The following ABCA4 variants were observed in gnomAD, a reference collection of about 807,000 sequenced individuals.
ABCA4 encodes ATP binding cassette subfamily A member 4, also known as retinal-specific phospholipid-transporting ATPase ABCA4.
Under a neutral mutation model 263.7 loss-of-function variants are expected in ABCA4, and 196 were observed. That is an observed-to-expected ratio of 0.74 (90% CI 0.66 to 0.84). The LOEUF (loss-of-function observed/expected upper bound fraction) is 0.84, where lower values mean the gene tolerates loss of function less well. Ranked by LOEUF, ABCA4 falls within the 40% of genes least tolerant of loss-of-function variation. The pLI is 0.00. For synonymous variants in ABCA4, 1,133 were observed against 1,094.2 expected (o/e 1.04, Z -0.70); for missense variants, 2,792 against 2,855.1 (o/e 0.98, Z 0.50).
At chr1:94,044,388 G>A (rs968039914) in intron 20 of ABCA4, among the ~76,000 whole-genome samples, 17 of 152,194 alleles carry the variant, frequency 1.1e-4, no homozygotes, top group African/African-American at 4.1e-4. Context: ...ACCCTTCTGA[G>A]GGAGGAGCCC....
At position 94,108,723 on chromosome 1, in the gene ABCA4, G is replaced by A; in HGVS notation, c.303-7C>T. On this transcript the variant is annotated splice_polypyrimidine_tract_variant and splice_region_variant and intron_variant, in intron 3 of 49. Transcript: ENST00000370225. ...TCGATATACCCTTGCCAAGCTGTAA[G>A]GACAAAGCCTCATTAATAAGGAAAT... 6.2e-7 allele frequency: 1 copy of A among 1,613,610 alleles called. No individual in the cohort carries two copies. Among genetic ancestry groups the A allele is most frequent in the East Asian group, 2.2e-5 (1 of 44,868 alleles).
chr1:94,033,673 T>C (rs911375964), intron 26 of ABCA4, among the ~76,000 whole-genome samples: 5 of 152,082 alleles, frequency 3.3e-5, no homozygotes, highest in African/African-American at 1.2e-4. Flanking sequence ...ACAAGGACAG[T>C]TGTAAAGGGA....
chr1:94,102,885 G>T (rs1662320469), intron 5 of ABCA4, 130 bp downstream of exon 5: 1 of 1,290,832 alleles, frequency 7.7e-7, no homozygotes, highest in Non-Finnish European at 1.1e-6. Context: ...CTAAATACAA[G>T]GCATTAAGTG....
chr1:94,022,339 A>G (rs1659926536), intron 32 of ABCA4, among the ~76,000 whole-genome samples: 1 of 152,158 alleles, frequency 6.6e-6, no homozygotes, highest in Non-Finnish European at 1.5e-5. Flanking sequence ...TTTTGGGAGC[A>G]TCGAGCCAAC....
At chr1:94,075,592 G>A (rs1194159663) in intron 11 of ABCA4, among the ~76,000 whole-genome samples, 1 of 152,184 alleles carries the variant, frequency 6.6e-6, no homozygotes, top group Non-Finnish European at 1.5e-5. Context: ...GTGACAGATA[G>A]AACGAGGCTT....
rs755666756 is a variant in ABCA4, at chr1:94,014,596, C to T, written c.5407G>A (p.Gly1803Ser). 24 of 1,613,958 alleles carry T rather than the reference C, an allele frequency of 1.5e-5. No individual in the cohort carries two copies. Among genetic ancestry groups the T allele is most frequent in the Non-Finnish European group, 1.8e-5 (21 of 1,180,000 alleles). The change falls in exon 38 of 50, where the codon GGC becomes AGC. Residue 1803 changes from glycine (G) to serine (S), a missense_variant. Physicochemically the swap from Gly to Ser is moderately conservative, Grantham distance 56. Transcript: ENST00000370225. ...AAGGTAATAGCACTGCTGTTGATGC[C>T]GATGAACAGATTAGCACAAGATAAA... is the stretch of plus-strand genomic sequence containing the variant. The part of the protein sequence containing the change: ...VALSCANLFI[G>S]INSSAITFIL...
At position 93,993,004 on chromosome 1, in the gene ABCA4, T is replaced by G; in HGVS notation, c.*233A>C. The G allele has an allele frequency of 2.6e-5, 15 of 571,594 alleles. No homozygotes were observed. Among genetic ancestry groups the G allele is most frequent in the Middle Eastern group, 4.8e-4 (1 of 2,104 alleles). The allele number at this position is 571,594 out of a possible 1,614,324, so 35.4% of individuals were successfully genotyped here. On this transcript the variant is annotated 3_prime_UTR_variant, in exon 50 of 50. Coordinates refer to ENST00000370225, the MANE Select transcript of ABCA4 (RefSeq NM_000350.3). ...TCTAGTTCTGGGGTCTGGAGAAGGA[T>G]TTTGTATTTGTTTGGTTTCACCATC... is the stretch of plus-strand genomic sequence containing the variant.
At position 94,029,635 on chromosome 1, in the gene ABCA4, A is replaced by G. The variant is rs375886479; in HGVS notation, c.4353-4T>C. On this transcript the variant is annotated splice_region_variant and splice_polypyrimidine_tract_variant and intron_variant, in intron 29 of 49. Coordinates refer to ENST00000370225, the MANE Select transcript of ABCA4 (RefSeq NM_000350.3). ...TGAGTTGCCACAGGGGTACTCCCTC[A>G]TGGAAGACAAGAAAATATTCCATAA... The G allele has an allele frequency of 4.5e-4, 723 of 1,612,112 alleles. 1 individual carries two copies. Among genetic ancestry groups the G allele is most frequent in the Non-Finnish European group, 5.7e-4 (671 of 1,179,034 alleles).
chr1:94,055,444 C>T, intron 15 of ABCA4, 129 bp from the exon 16 acceptor site: 1 of 861,856 alleles, frequency 1.2e-6, no homozygotes. Flanking sequence ...GTAAGGTCAG[C>T]TCAGGAGGGT....
At chr1:94,096,900 A>G (rs1373906832) in intron 6 of ABCA4, among the ~76,000 whole-genome samples, 1 of 152,182 alleles carries the variant, frequency 6.6e-6, no homozygotes, top group Non-Finnish European at 1.5e-5. Context: ...GTGCACAGAC[A>G]TTGCTCATTC....
chr1:94,101,211 T>A (rs1288911129), intron 5 of ABCA4, among the ~76,000 whole-genome samples: 3 of 152,264 alleles, frequency 2.0e-5, no homozygotes, highest in Admixed American at 6.5e-5. Flanking sequence ...GAAATTCCTG[T>A]CCTTATCTTC....
rs59521201 is a variant in ABCA4, at chr1:94,008,601, C to T, written c.5835+150G>A. The T allele has an allele frequency of 1.3e-3, 1,442 of 1,126,242 alleles. 3 individuals carry two copies. Among genetic ancestry groups the T allele is most frequent in the African/African-American group, 0.012 (766 of 65,268 alleles). The allele number at this position is 1,126,242 out of a possible 1,614,324, so 69.8% of individuals were successfully genotyped here. A position where few individuals can be genotyped will look rare whatever the true frequency, so the allele number is the denominator to read the frequency against. Reference sequence around the variant, plus strand: ...ATTGGAATTAGATGCTCTTGGAAGACGAGTTATAACACAGGGATGATGACC... The same window carrying T: ...ATTGGAATTAGATGCTCTTGGAAGATGAGTTATAACACAGGGATGATGACC... On this transcript the variant is annotated intron_variant, in intron 41 of 49. Transcript: ENST00000370225.
chr1:94,017,763 G>T (rs1328008450), intron 36 of ABCA4, among the ~76,000 whole-genome samples: 1 of 151,780 alleles, frequency 6.6e-6, no homozygotes, highest in Non-Finnish European at 1.5e-5. Flanking sequence ...AATGAGAAGG[G>T]GCATCTTGCT....
At chr1:94,029,319 G>C in intron 30 of ABCA4, 126 bp downstream of exon 30, 1 of 1,003,344 alleles carries the variant, frequency 1.0e-6, no homozygotes, top group Non-Finnish European at 1.4e-6. Context: ...AGGGAGTTTG[G>C]TTTAGTCCCC....
At position 94,078,702 on chromosome 1, in the gene ABCA4, T is replaced by G; in HGVS notation, c.1244A>C (p.Asn415Thr). ...GTGTTCCAGTTCTTCAAAAGTTGAG[T>G]TGGCCTAAAACCAGACAGAGATCAA... ...PAARRILKNANSTFEELEHVR... is the reference protein window; with the variant it reads ...PAARRILKNATSTFEELEHVR... Residue 415 changes from asparagine (N) to threonine (T), a missense_variant, in exon 10 of 50, where the codon AAC becomes ACC. By Grantham distance (65) the Asn-to-Thr change is moderately conservative. Coordinates refer to ENST00000370225, the MANE Select transcript of ABCA4 (RefSeq NM_000350.3). 1.9e-6 allele frequency: 3 copies of G among 1,611,944 alleles called. No homozygotes were observed. The highest frequency in any genetic ancestry group is 2.5e-6 in the Non-Finnish European group (3 of 1,177,998).
At chr1:94,106,490 G>A (rs1268972052) in intron 4 of ABCA4, among the ~76,000 whole-genome samples, 1 of 151,866 alleles carries the variant, frequency 6.6e-6, no homozygotes, top group Non-Finnish European at 1.5e-5. Flanking sequence ...TTTAAATTAG[G>A]AAAAAAACAC....
At chr1:93,993,367 G>T (rs1658920801) in intron 49 of ABCA4, 125 bp from the exon 50 acceptor site, 4 of 1,187,678 alleles carry the variant, frequency 3.4e-6, no homozygotes, top group Non-Finnish European at 4.9e-6. Flanking sequence ...AGGGCACTGT[G>T]ATTCTGTCAG....
intron 4 of ABCA4, among the ~76,000 whole-genome samples, chr1:94,103,802 G>A (rs903238289): frequency 1.3e-5 from 2 of 152,180 alleles, no homozygotes; most frequent in African/African-American, 4.8e-5. Context: ...TTAAGGGCAG[G>A]AAAAGCTCCA....
At chr1:94,032,875 G>C (rs577501978) in intron 26 of ABCA4, among the ~76,000 whole-genome samples, 1 of 152,182 alleles carries the variant, frequency 6.6e-6, no homozygotes, top group Non-Finnish European at 1.5e-5. Context: ...AGTGGGAAGC[G>C]AGACTTTAGC....
Sources: gnomAD v4.1 joint callset for allele counts (sites outside exome capture counted in the v4.1 genomes callset) on GRCh38, gnomAD v4.1.1 for gene constraint, MANE v1.5 for transcripts, NCBI Gene and HGNC (gene_info 2026-07-23, HGNC 2026-07-21) for gene names.